The following YIPF1 variants were observed in gnomAD, a reference collection of about 807,000 sequenced individuals.
YIPF1 encodes Yip1 domain family member 1.
A neutral mutation model predicts 37.0 loss-of-function variants in YIPF1; 22 were observed. That is an observed-to-expected ratio of 0.59 (90% CI 0.42 to 0.85). The LOEUF (loss-of-function observed/expected upper bound fraction) is 0.85. Ranked by LOEUF, YIPF1 falls within the 40% of genes least tolerant of loss-of-function variation. YIPF1 has a pLI of 0.00. For missense variants in YIPF1, 355 were observed against 373.1 expected (o/e 0.95, Z 0.40); for synonymous variants, 128 against 131.9 (o/e 0.97, Z 0.21).
intron 6 of YIPF1, among the ~76,000 whole-genome samples, chr1:53,871,817 T>C (rs1196869231): frequency 1.3e-5 from 2 of 152,174 alleles, no homozygotes; most frequent in African/African-American, 4.8e-5. Flanking sequence ...AGGCTTTTTA[T>C]TAAACCTTCC....
In YIPF1 at chr1:53,889,780, G is replaced by C. The variant is rs978293574; in HGVS notation, c.-337C>G. 2 of 152,326 alleles carry C rather than the reference G, an allele frequency of 1.3e-5. No individual in the cohort carries two copies. The highest frequency in any genetic ancestry group is 1.3e-4 in the Admixed American group (2 of 15,290). The allele number at this position is 152,326 out of a possible 1,614,324, so 9.4% of individuals were successfully genotyped here. On this transcript the variant is annotated 5_prime_UTR_variant, in exon 1 of 11. Transcript: ENST00000072644. ...CCTCAGTTGCTCCGCGCCGGTTTCG[G>C]TCCAGCCCAGTTGCCGGAAGCCGGA...
chr1:53,882,094 G>A (rs1307050369), intron 4 of YIPF1, among the ~76,000 whole-genome samples: 1 of 152,142 alleles, frequency 6.6e-6, no homozygotes, highest in East Asian at 1.9e-4. Flanking sequence ...ATTATCCTTA[G>A]CAAACTAACA....
At chr1:53,857,732 A>AGG (rs1216007908) in intron 10 of YIPF1, among the ~76,000 whole-genome samples, 5 of 152,158 alleles carry the variant, frequency 3.3e-5, no homozygotes, top group Non-Finnish European at 7.4e-5. Flanking sequence ...CTATAATCCC[A>AGG]GCACTGTGGG....
At chr1:53,859,986 A>G in intron 10 of YIPF1, 70 bp downstream of exon 10, 1 of 1,508,574 alleles carries the variant, frequency 6.6e-7, no homozygotes, top group Non-Finnish European at 9.2e-7. Flanking sequence ...TAAAGCTAAC[A>G]CTAACAGAAT....
rs376274806 is a variant in YIPF1, at chr1:53,885,857, T to C, written c.32-2581A>G. ...AAAAAAAGAGAGAAAAAGAGTATAA[T>C]TGGATTGTTTGTAATACAAAGGATA... On this transcript the variant is annotated intron_variant, in intron 3 of 10. Coordinates refer to ENST00000072644, the MANE Select transcript of YIPF1 (RefSeq NM_018982.5). Among the ~76,000 whole-genome samples the C allele has an allele frequency of 6.0e-5, 9 of 150,816 alleles. No individual in the cohort carries two copies. In the South Asian group the frequency reaches 1.5e-3, roughly 25 times the overall value.
At chr1:53,871,790 G>A (rs1650198513) in intron 6 of YIPF1, among the ~76,000 whole-genome samples, 1 of 152,096 alleles carries the variant, frequency 6.6e-6, no homozygotes, top group Non-Finnish European at 1.5e-5. Flanking sequence ...GATCACCACC[G>A]ACAAAGAAAA....
intron 6 of YIPF1, among the ~76,000 whole-genome samples, chr1:53,877,865 G>A (rs1342404336): frequency 6.6e-6 from 1 of 152,074 alleles, no homozygotes; most frequent in African/African-American, 2.4e-5. Flanking sequence ...TGTTGCCCAG[G>A]CTGGTCTCAA....
At chr1:53,881,652 CAAT>C (rs890977564) in intron 4 of YIPF1, among the ~76,000 whole-genome samples, 1 of 152,152 alleles carries the variant, frequency 6.6e-6, no homozygotes, top group African/African-American at 2.4e-5. Context: ...ATCAAAACCA[CAAT>C]GAGACACCAT....
intron 10 of YIPF1, among the ~76,000 whole-genome samples, chr1:53,859,502 A>C (rs536712370): frequency 2.0e-4 from 31 of 152,246 alleles, no homozygotes; most frequent in Non-Finnish European, 3.4e-4. Flanking sequence ...CATCTCTAAT[A>C]AAAATACAAA....
Position 53,889,269 on chromosome 1 carries a change from C to A in YIPF1, c.-75G>T. The A allele has an allele frequency of 4.1e-6, 1 of 245,264 alleles. No homozygotes were observed. Among genetic ancestry groups the A allele is most frequent in the Non-Finnish European group, 8.1e-6 (1 of 122,944 alleles). 15.2% of individuals were successfully genotyped at this position (245,264 alleles called of 1,614,324 possible). A position where few individuals can be genotyped will look rare whatever the true frequency, so the allele number is the denominator to read the frequency against. On this transcript the variant is annotated 5_prime_UTR_variant, in exon 2 of 11. Coordinates refer to ENST00000072644, the MANE Select transcript of YIPF1 (RefSeq NM_018982.5). ...TGTGTGAATGTTTAGAGAGCAGGTG[C>A]AGCCTAGAGATGTAACGATGAGGAA...
At chr1:53,883,488 C>T (rs149429358) in intron 3 of YIPF1, among the ~76,000 whole-genome samples, 7 of 152,226 alleles carry the variant, frequency 4.6e-5, no homozygotes, top group African/African-American at 1.7e-4. Context: ...GGAGTCAGAC[C>T]TAGATTTTGG....
At chr1:53,876,492 T>G (rs1237172548) in intron 6 of YIPF1, among the ~76,000 whole-genome samples, 7 of 152,352 alleles carry the variant, frequency 4.6e-5, no homozygotes, top group South Asian at 4.1e-4. Context: ...TCACCTATAT[T>G]GTACCTTCTT....
At chr1:53,854,431 G>T (rs1649669514) in intron 10 of YIPF1, among the ~76,000 whole-genome samples, 1 of 152,150 alleles carries the variant, frequency 6.6e-6, no homozygotes, top group Non-Finnish European at 1.5e-5. Context: ...ACCTCTTGAA[G>T]ATTGCCTCTA....
Position 53,871,470 on chromosome 1 carries a change from G to C in YIPF1, c.383C>G (p.Ala128Gly). The C allele has an allele frequency of 6.2e-7, 1 of 1,613,842 alleles. No individual in the cohort carries two copies. The highest frequency in any genetic ancestry group is 8.5e-7 in the Non-Finnish European group (1 of 1,179,858). ...PDLYGPFWIC[A>G]TLVFAIAISG... The stretch of plus-strand genomic sequence containing the variant: ...AATTGCTATGGCAAAGACCAACGTG[G>C]CACATATCCAAAAGGGGCCTGCAAA... The change falls in exon 7 of 11, where the codon GCC becomes GGC. Residue 128 changes from alanine (A) to glycine (G), a missense_variant. Coordinates refer to ENST00000072644, the MANE Select transcript of YIPF1 (RefSeq NM_018982.5).
intron 3 of YIPF1, 129 bp from the exon 4 acceptor site, chr1:53,883,405 G>T: frequency 9.2e-7 from 1 of 1,091,614 alleles, no homozygotes; most frequent in Non-Finnish European, 1.2e-6. Context: ...AAGGGCAAAA[G>T]CTTTGAAAAA....
chr1:53,868,831 T>C (rs528033835), intron 7 of YIPF1, among the ~76,000 whole-genome samples: 2 of 152,258 alleles, frequency 1.3e-5, no homozygotes, highest in East Asian at 3.9e-4. Flanking sequence ...CTCTCCTGAG[T>C]TTCCAGATCC....
chr1:53,859,808 T>A (rs1301582756), intron 10 of YIPF1, among the ~76,000 whole-genome samples: 1 of 152,112 alleles, frequency 6.6e-6, no homozygotes, highest in Non-Finnish European at 1.5e-5. Context: ...CAGGAGCTCC[T>A]CTTACAGAAG....
At chr1:53,878,854 A>G (rs941745050) in intron 4 of YIPF1, 132 bp from the exon 5 acceptor site, 2 of 734,642 alleles carry the variant, frequency 2.7e-6, no homozygotes, top group African/African-American at 3.7e-5. Context: ...ACATTCAATA[A>G]CCAACTCTGA....
chr1:53,878,170 T>C, intron 6 of YIPF1, 145 bp downstream of exon 6: 1 of 729,062 alleles, frequency 1.4e-6, no homozygotes. Flanking sequence ...CCAAAATTAC[T>C]TGCAAGGGTT....
Sources: gnomAD v4.1 joint callset for allele counts (sites outside exome capture counted in the v4.1 genomes callset) on GRCh38, gnomAD v4.1.1 for gene constraint, MANE v1.5 for transcripts, NCBI Gene and HGNC (gene_info 2026-07-23, HGNC 2026-07-21) for gene names.